ZNF365: variants seen among roughly 807,000 people sequenced by gnomAD.
ZNF365 encodes the protein zinc finger protein 365, also known as protein ZNF365.
ZNF365 carries 22 observed loss-of-function variants against 35.0 expected under a neutral mutation model. The ratio of observed to expected loss-of-function variants is 0.63; its 90% CI spans 0.45 to 0.90. ZNF365 has a LOEUF of 0.90. Among genes scored for constraint, ZNF365 ranks in the 40% least tolerant of loss-of-function variants. The pLI, the probability that ZNF365 is intolerant of heterozygous loss-of-function variation, is 0.00. For missense variants in ZNF365, 448 were observed against 500.3 expected, an observed-to-expected ratio of 0.90 and a Z score of 1.00; for synonymous variants, 188 against 196.2, an observed-to-expected ratio of 0.96 and a Z score of 0.35.
intron 3 of ZNF365, among the ~76,000 whole-genome samples, chr10:62,432,861 T>C (rs1840354679): frequency 1.3e-5 from 2 of 152,194 alleles, no homozygotes; most frequent in Admixed American, 1.3e-4. Context: ...TCAAATAATA[T>C]GAAAAAGTTT....
intron 3 of ZNF365, among the ~76,000 whole-genome samples, chr10:62,412,401 A>G (rs770026685): frequency 6.6e-6 from 1 of 152,158 alleles, no homozygotes. Context: ...GTTTCTTACC[A>G]TTGCTATTCA....
intron 4 of ZNF365, among the ~76,000 whole-genome samples, chr10:62,467,390 G>A (rs562812270): frequency 6.6e-6 from 1 of 152,294 alleles, no homozygotes; most frequent in South Asian, 2.1e-4. Flanking sequence ...TCCAGTTAGA[G>A]GGCTGAGTAG....
intron 3 of ZNF365, among the ~76,000 whole-genome samples, chr10:62,443,293 T>C (rs1199664911): frequency 6.6e-6 from 1 of 152,196 alleles, no homozygotes; most frequent in African/African-American, 2.4e-5. Context: ...TAATTAGTTA[T>C]TCCATTCCTT....
intron 3 of ZNF365, among the ~76,000 whole-genome samples, chr10:62,412,540 C>A (rs1025050562): frequency 3.3e-5 from 5 of 152,114 alleles, no homozygotes; most frequent in Admixed American, 2.6e-4. Context: ...CCCATCATCT[C>A]AGCCCAAAAT....
chr10:62,466,984 T>C (rs1212632824), intron 4 of ZNF365, among the ~76,000 whole-genome samples: 1 of 152,100 alleles, frequency 6.6e-6, no homozygotes, highest in African/African-American at 2.4e-5. Flanking sequence ...GTATTTTTTA[T>C]AGAGATGGAG....
chr10:62,417,576 T>C (rs922685220), intron 3 of ZNF365, among the ~76,000 whole-genome samples: 1 of 152,070 alleles, frequency 6.6e-6, no homozygotes, highest in Non-Finnish European at 1.5e-5. Context: ...CAACTTAAGC[T>C]AGATGTGATT....
intron 3 of ZNF365, among the ~76,000 whole-genome samples, chr10:62,444,892 A>G (rs1264308641): frequency 7.2e-5 from 11 of 152,110 alleles, no homozygotes; most frequent in Non-Finnish European, 1.6e-4. Flanking sequence ...GTCAGTTAGT[A>G]TTAGGTATAT....
chr10:62,411,685 G>A (rs982896263), intron 3 of ZNF365, among the ~76,000 whole-genome samples: 22 of 152,054 alleles, frequency 1.4e-4, no homozygotes, highest in African/African-American at 5.3e-4. Flanking sequence ...CTGTAGCCAT[G>A]TAGTACAGTT....
intron 4 of ZNF365, among the ~76,000 whole-genome samples, chr10:62,464,950 A>T (rs545901185): frequency 1.4e-4 from 22 of 152,352 alleles, no homozygotes; most frequent in African/African-American, 5.3e-4. Flanking sequence ...GGCCGGAAGC[A>T]GGTGGTGCCA....
chr10:62,388,504 G>A lies in ZNF365; in HGVS notation c.852G>A (p.Leu284=). 1 of 1,614,186 alleles carries A rather than the reference G, an allele frequency of 6.2e-7. No individual in the cohort carries two copies. The highest frequency in any genetic ancestry group is 8.5e-7 in the Non-Finnish European group (1 of 1,180,028). ...AGAATCTGTTACAGCGGGTAGAACTGGCGGAGAAGCAGCTTGAGTACTATC... is the reference window on the plus strand; with the variant it reads ...AGAATCTGTTACAGCGGGTAGAACTAGCGGAGAAGCAGCTTGAGTACTATC... ...FIENLLQRVE[L]AEKQLEYYQS... The change falls in exon 3 of 5, where the codon CTG becomes CTA. Residue 284 remains leucine (L), a synonymous_variant. Transcript: ENST00000395254.
chr10:62,402,817 A>AG (rs1310778832), downstream of ZNF365, among the ~76,000 whole-genome samples: 1 of 152,242 alleles, frequency 6.6e-6, no homozygotes, highest in Non-Finnish European at 1.5e-5. Flanking sequence ...TATATGCTAT[A>AG]CATCCAAGAC....
chr10:62,421,947 G>A (rs183222308), intron 3 of ZNF365, among the ~76,000 whole-genome samples: 60 of 152,288 alleles, frequency 3.9e-4, no homozygotes, highest in African/African-American at 1.4e-3. Context: ...ATTCTGAATA[G>A]CAAAAAAATA....
chr10:62,424,841 GT>G (rs1840227606), intron 3 of ZNF365, among the ~76,000 whole-genome samples: 1 of 152,152 alleles, frequency 6.6e-6, no homozygotes, highest in South Asian at 2.1e-4. Flanking sequence ...GTTATCCCAG[GT>G]TTCTGAAACT....
intron 2 of ZNF365, among the ~76,000 whole-genome samples, chr10:62,385,268 G>T (rs1370558633): frequency 6.6e-6 from 1 of 152,142 alleles, no homozygotes; most frequent in African/African-American, 2.4e-5. Context: ...TAACTTCTCA[G>T]CTTCAGGGCA....
chr10:62,445,894 A>G (rs1413071429), intron 3 of ZNF365, among the ~76,000 whole-genome samples: 2 of 152,148 alleles, frequency 1.3e-5, no homozygotes, highest in African/African-American at 4.8e-5. Flanking sequence ...CGAGGCAGAG[A>G]TCCAGCATCT....
intron 2 of ZNF365, among the ~76,000 whole-genome samples, chr10:62,385,730 C>CA (rs1839514381): frequency 6.6e-6 from 1 of 152,170 alleles, no homozygotes; most frequent in Admixed American, 6.5e-5. Context: ...TATTGTGTGT[C>CA]AAACACAAAT....
At chr10:62,421,915 T>C (rs538905255) in intron 3 of ZNF365, among the ~76,000 whole-genome samples, 33 of 152,354 alleles carry the variant, frequency 2.2e-4, no homozygotes, top group Admixed American at 8.5e-4. Flanking sequence ...AGCTATTGAT[T>C]TGGATAATGT....
chr10:62,381,792 G>A (rs1189133178), intron 2 of ZNF365, among the ~76,000 whole-genome samples: 1 of 152,156 alleles, frequency 6.6e-6, no homozygotes, highest in Non-Finnish European at 1.5e-5. Context: ...ATCACAATGA[G>A]AGGACTCTTT....
chr10:62,448,893 G>A (rs549478361), intron 3 of ZNF365, among the ~76,000 whole-genome samples: 2 of 152,170 alleles, frequency 1.3e-5, no homozygotes, highest in Admixed American at 1.3e-4. Context: ...ATTAATATTA[G>A]AAGCAGGACC....
Sources: gnomAD v4.1 joint callset for allele counts (sites outside exome capture counted in the v4.1 genomes callset) on GRCh38, gnomAD v4.1.1 for gene constraint, MANE v1.5 for transcripts, NCBI Gene and HGNC (gene_info 2026-07-23, HGNC 2026-07-21) for gene names.